Variants in IL1RAPL2 observed in about 807,000 individuals in gnomAD.
The protein encoded by IL1RAPL2 is interleukin 1 receptor accessory protein like 2.
A neutral mutation model predicts 44.1 loss-of-function variants in IL1RAPL2; 3 were observed. The observed-to-expected ratio is 0.07, with a 90% CI of 0.03 to 0.18. The LOEUF (loss-of-function observed/expected upper bound fraction) is 0.18. Among genes scored for constraint, IL1RAPL2 ranks in the 10% least tolerant of loss-of-function variants. The probability of loss-of-function intolerance (pLI) is 1.00; values close to 1 mark genes in which losing one functional copy is unlikely to be tolerated. For missense variants in IL1RAPL2, 391 were observed against 496.4 expected (o/e 0.79, Z 2.02); for synonymous variants, 181 against 178.8 (o/e 1.01, Z -0.10).
At chrX:105,049,934 A>G (rs1029822520) in intron 2 of IL1RAPL2, among the ~76,000 whole-genome samples, 4 of 111,851 alleles carry the variant, frequency 3.6e-5, no homozygotes, top group Admixed American at 9.5e-5. Context: ...AGTAAACTAA[A>G]TATCTGTTAA....
intron 2 of IL1RAPL2, among the ~76,000 whole-genome samples, chrX:104,679,019 G>A (rs769654731): frequency 1.8e-4 from 20 of 111,825 alleles, no homozygotes; most frequent in South Asian, 1.5e-3. Flanking sequence ...CAATTTGTGC[G>A]GAGATGTATA....
intron 6 of IL1RAPL2, among the ~76,000 whole-genome samples, chrX:105,567,239 G>C (rs1473341187): frequency 9.0e-6 from 1 of 111,126 alleles, no homozygotes; most frequent in African/African-American, 3.3e-5. Context: ...GCAAAACAAT[G>C]AATCAAACAG....
intron 2 of IL1RAPL2, among the ~76,000 whole-genome samples, chrX:104,660,515 TATAAG>T (rs1930370404): frequency 9.4e-6 from 1 of 106,398 alleles, no homozygotes; most frequent in Non-Finnish European, 1.9e-5. Context: ...TTGCTTATTA[TATAAG>T]AGAAGAGAGG....
rs774381546 is a variant in IL1RAPL2 at position 105,263,159 on chromosome X, A to T, written c.544-4229A>T. Among the ~76,000 whole-genome samples, 10 of 111,000 alleles carry T rather than the reference A, an allele frequency of 9.0e-5. No homozygotes were observed. The South Asian group carries it at 3.9e-3, about 43-fold the overall frequency. On this transcript the variant is annotated intron_variant, in intron 4 of 10. Transcript: ENST00000372582. The stretch of plus-strand genomic sequence containing the variant: ...CTCGGCCTCCCAAAGTGCTAGGATT[A>T]CAGGCATGAGTCACTGCGCCTGGCC...
At chrX:104,754,308 G>A (rs1429765658) in intron 2 of IL1RAPL2, among the ~76,000 whole-genome samples, 3 of 110,694 alleles carry the variant, frequency 2.7e-5, no homozygotes, top group African/African-American at 9.8e-5. Flanking sequence ...TCAAGGAGGT[G>A]GTTTTTACAA....
At chrX:105,271,713 C>A (rs760724799) in intron 5 of IL1RAPL2, among the ~76,000 whole-genome samples, 1 of 110,412 alleles carries the variant, frequency 9.1e-6, no homozygotes, top group South Asian at 3.9e-4. Flanking sequence ...CTTTTATTTC[C>A]TCGAGCAGTG....
chrX:105,465,814 T>G (rs1166194760), intron 5 of IL1RAPL2, among the ~76,000 whole-genome samples: 1 of 111,725 alleles, frequency 9.0e-6, no homozygotes, highest in African/African-American at 3.2e-5. Context: ...CTTTCTCTCT[T>G]TGTTCAAGGA....
At chrX:104,961,890 C>T (rs757207883) in intron 2 of IL1RAPL2, among the ~76,000 whole-genome samples, 20 of 112,158 alleles carry the variant, frequency 1.8e-4, no homozygotes, top group Non-Finnish European at 3.4e-4. Context: ...TATTGAATAC[C>T]TATTATGTGC....
At chrX:105,236,780 A>G (rs782369347) in intron 4 of IL1RAPL2, among the ~76,000 whole-genome samples, 97 of 112,168 alleles carry the variant, frequency 8.6e-4, no homozygotes, top group South Asian at 1.9e-3. Flanking sequence ...TTCAGTCAGT[A>G]TTTGGATAGT....
intron 2 of IL1RAPL2, among the ~76,000 whole-genome samples, chrX:104,967,216 C>A (rs140236195): frequency 8.9e-6 from 1 of 111,889 alleles, no homozygotes; most frequent in Admixed American, 9.5e-5. Flanking sequence ...ACCATGTTCT[C>A]TTAACTCAAT....
intron 6 of IL1RAPL2, among the ~76,000 whole-genome samples, chrX:105,684,844 G>A (rs779474755): frequency 2.7e-5 from 3 of 111,828 alleles, no homozygotes; most frequent in African/African-American, 9.7e-5. Context: ...GAAGGATCAG[G>A]CAGCAATATT....
chrX:105,246,688 G>T (rs893888868), intron 4 of IL1RAPL2, among the ~76,000 whole-genome samples: 3 of 111,300 alleles, frequency 2.7e-5, no homozygotes, highest in Non-Finnish European at 5.7e-5. Flanking sequence ...CCTGATGGTT[G>T]GTTTCCTGAG....
chrX:105,649,908 T>C (rs774931731), intron 6 of IL1RAPL2, among the ~76,000 whole-genome samples: 6 of 111,668 alleles, frequency 5.4e-5, no homozygotes, highest in Admixed American at 1.9e-4. Context: ...TCAAGTCTTC[T>C]GAGGTCTTTC....
At chrX:105,137,066 T>A (rs1602972401) in intron 2 of IL1RAPL2, among the ~76,000 whole-genome samples, 1 of 111,231 alleles carries the variant, frequency 9.0e-6, no homozygotes, top group African/African-American at 3.3e-5. Context: ...AATGAAGACT[T>A]ATGAGAAGAG....
chrX:104,918,253 G>A (rs1056866223), intron 2 of IL1RAPL2, among the ~76,000 whole-genome samples: 1 of 111,360 alleles, frequency 9.0e-6, no homozygotes, highest in Non-Finnish European at 1.9e-5. Context: ...TCCAGGTTTG[G>A]TTTCCTACTA....
intron 3 of IL1RAPL2, chrX:105,220,175 C>T (rs1556179269): frequency 1.9e-5 from 23 of 1,211,382 alleles, no homozygotes; most frequent in Non-Finnish European, 2.5e-5. Context: ...AAGCGCACTC[C>T]CAAGGCCAGG....
chrX:104,945,906 C>A (rs1358263567), intron 2 of IL1RAPL2, among the ~76,000 whole-genome samples: 2 of 109,005 alleles, frequency 1.8e-5, no homozygotes, highest in East Asian at 5.7e-4. Flanking sequence ...TTTGTTGTTG[C>A]CTTAGGTTGG....
chrX:105,301,827 G>A (rs1878720661), intron 5 of IL1RAPL2, among the ~76,000 whole-genome samples: 1 of 112,162 alleles, frequency 8.9e-6, no homozygotes, highest in African/African-American at 3.2e-5. Context: ...TAGCATTGCA[G>A]TAAACATCAG....
At chrX:105,188,670 A>G (rs1240580437) in intron 2 of IL1RAPL2, among the ~76,000 whole-genome samples, 1 of 111,908 alleles carries the variant, frequency 8.9e-6, no homozygotes, top group Non-Finnish European at 1.9e-5. Flanking sequence ...AGTAGGGGGT[A>G]AAAGTGTGAA....
Sources: gnomAD v4.1 joint callset for allele counts (sites outside exome capture counted in the v4.1 genomes callset) on GRCh38, gnomAD v4.1.1 for gene constraint, MANE v1.5 for transcripts, NCBI Gene and HGNC (gene_info 2026-07-23, HGNC 2026-07-21) for gene names.